Variants in WWOX observed in about 807,000 individuals in gnomAD.
WWOX encodes WW domain containing oxidoreductase, also known as WW domain-containing oxidoreductase.
In WWOX, 69 loss-of-function variants were observed where a neutral mutation model predicts 46.2. That is an observed-to-expected ratio of 1.49 (90% CI 1.23 to 1.82). The LOEUF (loss-of-function observed/expected upper bound fraction) is 1.82. Ranked by LOEUF, WWOX falls within the 40% of genes most tolerant of loss-of-function variation. The pLI is 0.00. For synonymous variants in WWOX, 359 were observed against 202.6 expected, an observed-to-expected ratio of 1.77 and a Z score of -6.56; for missense variants, 919 against 542.6, an observed-to-expected ratio of 1.69 and a Z score of -6.89.
intron 8 of WWOX, among the ~76,000 whole-genome samples, chr16:78,593,618 G>A (rs2045402948): frequency 6.6e-6 from 1 of 152,104 alleles, no homozygotes; most frequent in Non-Finnish European, 1.5e-5. Flanking sequence ...TGCCACAGTT[G>A]ACAGGGGGAG....
At chr16:78,503,949 T>C (rs1489887529) in intron 8 of WWOX, among the ~76,000 whole-genome samples, 5 of 152,254 alleles carry the variant, frequency 3.3e-5, no homozygotes, top group African/African-American at 1.2e-4. Flanking sequence ...TTTTTATGCT[T>C]TCTCTGAACT....
At chr16:78,565,277 A>C (rs1035292254) in intron 8 of WWOX, among the ~76,000 whole-genome samples, 10 of 152,216 alleles carry the variant, frequency 6.6e-5, no homozygotes, top group Non-Finnish European at 1.5e-4. Flanking sequence ...ATCATGTTGC[A>C]GTTCTGGGGA....
intron 8 of WWOX, among the ~76,000 whole-genome samples, chr16:79,210,098 T>A (rs930004733): frequency 1.3e-5 from 2 of 152,118 alleles, no homozygotes; most frequent in African/African-American, 2.4e-5. Flanking sequence ...AGCAGCCAGT[T>A]ATTATCAAAA....
chr16:78,567,880 C>G (rs560564708), intron 8 of WWOX, among the ~76,000 whole-genome samples: 4 of 152,268 alleles, frequency 2.6e-5, no homozygotes, highest in African/African-American at 7.2e-5. Flanking sequence ...CGTCCCGTGT[C>G]TAATGGAACA....
intron 7 of WWOX, among the ~76,000 whole-genome samples, chr16:78,427,119 CAG>C (rs1184429656): frequency 1.3e-5 from 2 of 152,196 alleles, no homozygotes; most frequent in Non-Finnish European, 2.9e-5. Flanking sequence ...CCCAAGAACT[CAG>C]GGCCCTAAAC....
At chr16:79,057,885 G>T (rs2048291996) in intron 8 of WWOX, among the ~76,000 whole-genome samples, 1 of 152,006 alleles carries the variant, frequency 6.6e-6, no homozygotes, top group Non-Finnish European at 1.5e-5. Context: ...TCCATAATGT[G>T]CAAGGATATC....
chr16:79,033,942 G>C (rs543282034), intron 8 of WWOX, among the ~76,000 whole-genome samples: 1 of 152,320 alleles, frequency 6.6e-6, no homozygotes, highest in Admixed American at 6.5e-5. Flanking sequence ...CAGGGATGTT[G>C]GAACTGGGTG....
chr16:78,467,458 G>C (rs1880612770), intron 8 of WWOX, among the ~76,000 whole-genome samples: 1 of 152,172 alleles, frequency 6.6e-6, no homozygotes, highest in Non-Finnish European at 1.5e-5. Flanking sequence ...AAAGACTGTA[G>C]ACTAAGGCAG....
At chr16:78,956,114 C>T (rs903414299) in intron 8 of WWOX, among the ~76,000 whole-genome samples, 1 of 152,064 alleles carries the variant, frequency 6.6e-6, no homozygotes, top group Non-Finnish European at 1.5e-5. Context: ...TATCTACATC[C>T]CCACTAGATC....
intron 8 of WWOX, among the ~76,000 whole-genome samples, chr16:78,517,258 A>C (rs1473360258): frequency 2.0e-5 from 3 of 152,174 alleles, no homozygotes; most frequent in Non-Finnish European, 4.4e-5. Flanking sequence ...TATTTGTCAG[A>C]TGTAACTTGG....
chr16:78,248,181 A>C (rs7197393), intron 5 of WWOX, among the ~76,000 whole-genome samples: 8,425 of 152,182 alleles, frequency 0.055, 424 homozygotes, highest in East Asian at 0.24. Context: ...AGGAAGCATG[A>C]TGCTAGCATC....
chr16:78,756,255 G>C (rs890793698), intron 8 of WWOX, among the ~76,000 whole-genome samples: 8 of 152,108 alleles, frequency 5.3e-5, no homozygotes, highest in African/African-American at 1.9e-4. Flanking sequence ...GGCAGAAGTA[G>C]ATGTCATGTT....
chr16:79,011,119 C>G (rs1342604004), intron 8 of WWOX, among the ~76,000 whole-genome samples: 9 of 145,288 alleles, frequency 6.2e-5, no homozygotes, highest in Non-Finnish European at 4.5e-5. Flanking sequence ...GGTTACATAT[C>G]TACTCACTCA....
chr16:78,916,699 CAAAAT>C (rs1445912420), intron 8 of WWOX, among the ~76,000 whole-genome samples: 1 of 152,096 alleles, frequency 6.6e-6, no homozygotes, highest in African/African-American at 2.4e-5. Context: ...AGACTTGAAA[CAAAAT>C]AAAAGTGATT....
chr16:78,490,462 G>C (rs1669629181), intron 8 of WWOX, among the ~76,000 whole-genome samples: 1 of 152,158 alleles, frequency 6.6e-6, no homozygotes, highest in Non-Finnish European at 1.5e-5. Context: ...TGTGATCATT[G>C]TTGTAGTTCC....
intron 8 of WWOX, chr16:78,897,390 T>C (rs1328429934): frequency 6.6e-6 from 1 of 152,172 alleles, no homozygotes; most frequent in African/African-American, 2.4e-5. Context: ...TTGTTTTACC[T>C]GTTCTAGAAC....
At chr16:78,648,315 G>T (rs1200838909) in intron 8 of WWOX, among the ~76,000 whole-genome samples, 1 of 152,182 alleles carries the variant, frequency 6.6e-6, no homozygotes, top group African/African-American at 2.4e-5. Flanking sequence ...TTGTTGTAAG[G>T]AAACGCTGGT....
At chr16:78,179,085 C>G (rs1306949707) in intron 5 of WWOX, among the ~76,000 whole-genome samples, 1 of 152,100 alleles carries the variant, frequency 6.6e-6, no homozygotes, top group African/African-American at 2.4e-5. Context: ...TCCTCAAAGA[C>G]TTGCCAACAT....
intron 8 of WWOX, among the ~76,000 whole-genome samples, chr16:79,027,096 A>G (rs562548639): frequency 8.6e-5 from 13 of 151,600 alleles, no homozygotes; most frequent in African/African-American, 2.7e-4. Context: ...CCTTGGCAAC[A>G]TGGTGAGACC....
Sources: gnomAD v4.1 joint callset for allele counts (sites outside exome capture counted in the v4.1 genomes callset) on GRCh38, gnomAD v4.1.1 for gene constraint, MANE v1.5 for transcripts, NCBI Gene and HGNC (gene_info 2026-07-23, HGNC 2026-07-21) for gene names.